SP140L: variants seen among roughly 807,000 people sequenced by gnomAD.
SP140L encodes SP140 like nuclear body protein.
A neutral mutation model predicts 84.3 loss-of-function variants in SP140L; 64 were observed. The ratio of observed to expected loss-of-function variants is 0.76; its 90% CI spans 0.62 to 0.94. SP140L has a LOEUF of 0.94. SP140L is among the 40% of genes least tolerant of loss of function. The pLI is 0.00. For missense variants in SP140L, 628 were observed against 692.5 expected (o/e 0.91, Z 1.05); for synonymous variants, 242 against 236.9 (o/e 1.02, Z -0.20).
chr2:230,383,158 G>T (rs11677646), intron 7 of SP140L, among the ~76,000 whole-genome samples: 1 of 152,044 alleles, frequency 6.6e-6, no homozygotes, highest in African/African-American at 2.4e-5. Context: ...CCTCAAGGAG[G>T]ATGTCCTCTC....
rs2062331561 is a variant in SP140L, at chr2:230,401,368, A to C, written c.1425A>C (p.Lys475Asn). Residue 475 changes from lysine (K) to asparagine (N), a missense_variant and splice_region_variant, in exon 17 of 19, where the codon AAA becomes AAC. Coordinates refer to ENST00000415673, the MANE Select transcript of SP140L (RefSeq NM_138402.6). ...ERQMCPEEQL[K>N]CEFLLLKVYC... ...TTTACGGCCTCTTTCTTTTGCAGAA[A>C]TGTGAGTTCCTCCTCTTGAAAGTCT... The C allele has an allele frequency of 3.8e-6, 6 of 1,572,498 alleles. No individual in the cohort carries two copies. The highest frequency in any genetic ancestry group is 5.2e-6 in the Non-Finnish European group (6 of 1,162,928).
intron 13 of SP140L, among the ~76,000 whole-genome samples, chr2:230,394,568 A>T (rs2061964299): frequency 6.6e-6 from 1 of 152,150 alleles, no homozygotes; most frequent in African/African-American, 2.4e-5. Flanking sequence ...AAGACCAGCA[A>T]CTCTACCTTT....
At chr2:230,339,675 C>A (rs2059979738) in intron 2 of SP140L, among the ~76,000 whole-genome samples, 1 of 146,530 alleles carries the variant, frequency 6.8e-6, no homozygotes, top group Non-Finnish European at 1.5e-5. Context: ...GAATGCATCC[C>A]AGAGATTCTG....
At chr2:230,341,821 G>GACCC (rs2060052389) in intron 2 of SP140L, among the ~76,000 whole-genome samples, 1 of 152,088 alleles carries the variant, frequency 6.6e-6, no homozygotes, top group Non-Finnish European at 1.5e-5. Flanking sequence ...AGGGGTCAGG[G>GACCC]ACCCACTTGA....
chr2:230,390,777 A>AT (rs1251428596), intron 11 of SP140L, among the ~76,000 whole-genome samples: 6 of 151,902 alleles, frequency 3.9e-5, no homozygotes, highest in Admixed American at 2.0e-4. Flanking sequence ...CCAATCAATG[A>AT]TTTTTTTTGT....
At chr2:230,385,919 G>T (rs537490728) in intron 9 of SP140L, among the ~76,000 whole-genome samples, 1 of 152,296 alleles carries the variant, frequency 6.6e-6, no homozygotes, top group African/African-American at 2.4e-5. Flanking sequence ...TCCCATCCAG[G>T]ATTGGGGAGG....
At chr2:230,351,881 A>C (rs2060375248) in intron 2 of SP140L, among the ~76,000 whole-genome samples, 2 of 152,128 alleles carry the variant, frequency 1.3e-5, no homozygotes, top group Admixed American at 1.3e-4. Context: ...TCCTGAACTC[A>C]AGTGATCCAC....
At position 230,359,141 on chromosome 2, in the gene SP140L, G is replaced by T; in HGVS notation, c.439+9G>T. 1 of 1,603,386 alleles carries T rather than the reference G, an allele frequency of 6.2e-7. No homozygotes were observed. The highest frequency in any genetic ancestry group is 8.5e-7 in the Non-Finnish European group (1 of 1,177,224). On this transcript the variant is annotated intron_variant, in intron 4 of 18. Coordinates refer to ENST00000415673, the MANE Select transcript of SP140L (RefSeq NM_138402.6). ...TAAAAGCTTCAAAAATGGTAATTAG[G>T]TTTATTATCTACCTTTTGATTTCCG...
intron 2 of SP140L, among the ~76,000 whole-genome samples, chr2:230,339,240 C>A (rs77426097): frequency 6.6e-6 from 1 of 152,070 alleles, no homozygotes; most frequent in Non-Finnish European, 1.5e-5. Flanking sequence ...TGTATGTGTC[C>A]AGGAATTTAT....
At chr2:230,337,375 T>G (rs1228685129) in intron 2 of SP140L, among the ~76,000 whole-genome samples, 2 of 152,202 alleles carry the variant, frequency 1.3e-5, no homozygotes, top group African/African-American at 4.8e-5. Context: ...TTTAAGTTCA[T>G]TGTAGATTCT....
Position 230,371,599 on chromosome 2 carries a change from T to A in SP140L, c.585T>A (p.Asp195Glu). The change falls in exon 7 of 19, where the codon GAT becomes GAA. Residue 195 changes from aspartate (D) to glutamate (E), a missense_variant and splice_region_variant. Physicochemically the swap from Asp to Glu is conservative, Grantham distance 45. Transcript: ENST00000415673. ...TCACTACCACTTGTTATTTTCTAGATACTGTGGATATTGCAAACAACTCTA... is the reference window on the plus strand; with the variant it reads ...TCACTACCACTTGTTATTTTCTAGAAACTGTGGATATTGCAAACAACTCTA... ...KESDQACGKM[D>E]TVDIANNSTL... 6.2e-7 allele frequency: 1 copy of A among 1,601,584 alleles called. No individual in the cohort carries two copies. Among genetic ancestry groups the A allele is most frequent in the Non-Finnish European group, 8.5e-7 (1 of 1,172,304 alleles).
At chr2:230,391,180 C>T (rs1444542684) in intron 11 of SP140L, among the ~76,000 whole-genome samples, 1 of 152,168 alleles carries the variant, frequency 6.6e-6, no homozygotes, top group Non-Finnish European at 1.5e-5. Context: ...CTGTTTTGAA[C>T]ATTTATGTAA....
intron 2 of SP140L, among the ~76,000 whole-genome samples, chr2:230,343,662 G>GTCTTTCCTTTTTCTTCCCTTC (rs2060128606): frequency 8.4e-6 from 1 of 118,892 alleles, no homozygotes; most frequent in Admixed American, 8.4e-5. Flanking sequence ...TTGCCACACT[G>GTCTTTCCTTTTTCTTCCCTTC]TCTTCCACAA....
intron 13 of SP140L, 73 bp from the exon 14 acceptor site, chr2:230,396,684 T>G (rs1468600469): frequency 1.3e-6 from 2 of 1,557,344 alleles, no homozygotes; most frequent in Non-Finnish European, 1.8e-6. Flanking sequence ...AGATGACTAT[T>G]TAAATTTAAG....
At position 230,392,041 on chromosome 2, in the gene SP140L, G is replaced by A. The variant is rs111334312; in HGVS notation, c.965-46G>A. 10,200 of 1,610,580 alleles carry A rather than the reference G, an allele frequency of 6.3e-3. 330 individuals are homozygous for A. The African/African-American group carries it at 0.087, about 14-fold the overall frequency. On this transcript the variant is annotated intron_variant, in intron 11 of 18. Coordinates refer to ENST00000415673, the MANE Select transcript of SP140L (RefSeq NM_138402.6). The stretch of plus-strand genomic sequence containing the variant: ...TGTGGTGAGTGGCCACAGTCTGAGC[G>A]CTGGGAACAAAGAGGGCTCAGGATC...
chr2:230,361,312 T>C (rs2060710069), intron 4 of SP140L, among the ~76,000 whole-genome samples: 1 of 152,214 alleles, frequency 6.6e-6, no homozygotes, highest in South Asian at 2.1e-4. Flanking sequence ...AGGGAATCCC[T>C]CTGTTTCTTC....
intron 2 of SP140L, among the ~76,000 whole-genome samples, chr2:230,341,487 C>T (rs1354398606): frequency 6.7e-6 from 1 of 148,540 alleles, no homozygotes; most frequent in Non-Finnish European, 1.5e-5. Context: ...CTTCTTCTCT[C>T]AGCTCGTCAA....
chr2:230,400,046 C>T (rs2149833358), intron 14 of SP140L, 81 bp from the exon 15 acceptor site: 1 of 1,412,658 alleles, frequency 7.1e-7, no homozygotes. Context: ...CACACATAAG[C>T]AGTGTGTTCT....
chr2:230,340,402 G>A lies in SP140L; in HGVS notation c.107+11571G>A, dbSNP rs983153252. Among the ~76,000 whole-genome samples, 53 of 148,642 alleles carry A rather than the reference G, an allele frequency of 3.6e-4. 1 individual carries two copies. Among genetic ancestry groups the A allele is most frequent in the African/African-American group, 1.2e-3 (49 of 40,324 alleles). ...ATGTGTGTCTCTGCACGTGAGATGC[G>A]TTTCCTGAATACAGCACACTGATGG... is the stretch of plus-strand genomic sequence containing the variant. On this transcript the variant is annotated intron_variant, in intron 2 of 18. Coordinates refer to ENST00000415673, the MANE Select transcript of SP140L (RefSeq NM_138402.6).
Sources: allele counts gnomAD v4.1 joint callset (sites outside exome capture counted in the v4.1 genomes callset), GRCh38; gene constraint gnomAD v4.1.1; transcripts MANE v1.5; gene names NCBI Gene and HGNC (gene_info 2026-07-23, HGNC 2026-07-21).